Variants in PPP6R2 observed in about 807,000 individuals in gnomAD.
PPP6R2 encodes serine/threonine-protein phosphatase 6 regulatory subunit 2.
PPP6R2 carries 62 observed loss-of-function variants against 100.2 expected under a neutral mutation model. The ratio of observed to expected loss-of-function variants is 0.62; its 90% confidence interval spans 0.50 to 0.76. The LOEUF (loss-of-function observed/expected upper bound fraction) is 0.76. Ranked by LOEUF, PPP6R2 falls within the 30% of genes least tolerant of loss-of-function variation. The probability of loss-of-function intolerance (pLI) is 0.00; values close to 1 mark genes in which losing one functional copy is unlikely to be tolerated. For missense variants in PPP6R2, 1,142 were observed against 1,276.3 expected (o/e 0.89, Z 1.60); for synonymous variants, 525 against 514.7 (o/e 1.02, Z -0.27).
chr22:50,397,161 G>A (rs1292738275), intron 3 of PPP6R2, among the ~76,000 whole-genome samples: 1 of 152,158 alleles, frequency 6.6e-6, no homozygotes, highest in Non-Finnish European at 1.5e-5. Context: ...CCTGGGGGGA[G>A]ACTTCCGTAA....
chr22:50,431,180 T>G lies in PPP6R2; in HGVS notation c.1133T>G (p.Phe378Cys). 6.2e-7 allele frequency: 1 copy of G among 1,611,104 alleles called. No individual in the cohort carries two copies. Among genetic ancestry groups the G allele is most frequent in the Non-Finnish European group, 8.5e-7 (1 of 1,177,526 alleles). The change falls in exon 11 of 24, where the codon TTC (phenylalanine) becomes TGC (cysteine). Residue 378 changes from phenylalanine (F) to cysteine (C), a missense_variant. By Grantham distance (205) the Phe-to-Cys change is radical. Around this residue, in one of 2 missense-constraint regions of PPP6R2, gnomAD observed 592 missense variants for 758.9 expected, o/e 0.78. Coordinates refer to ENST00000612753, the MANE Select transcript of PPP6R2 (RefSeq NM_001242898.2). The surrounding 1 kb of genome is among the most constrained non-coding windows in gnomAD (Gnocchi z 4.8). ...LNTMDLLLDL[F>C]FKYTWNNFLH... ...TGTCCTCTGTTTACCCAGGACTTGTTCTTTAAGTACACCTGGAATAACTTT... is the reference window on the plus strand; with the variant it reads ...TGTCCTCTGTTTACCCAGGACTTGTGCTTTAAGTACACCTGGAATAACTTT...
At chr22:50,438,500 C>T in intron 18 of PPP6R2, 99 bp from the exon 19 acceptor site, 1 of 1,473,380 alleles carries the variant, frequency 6.8e-7, no homozygotes, top group East Asian at 2.3e-5. Context: ...TCGAGACGAT[C>T]TGTGCTCACC....
At chr22:50,373,462 C>T (rs950440488) in intron 2 of PPP6R2, among the ~76,000 whole-genome samples, 75 of 151,954 alleles carry the variant, frequency 4.9e-4, no homozygotes, top group African/African-American at 1.7e-3. Flanking sequence ...CCAGGATGGT[C>T]TCGATCTCCT....
At chr22:50,441,880 C>G (rs1437110309) in intron 22 of PPP6R2, among the ~76,000 whole-genome samples, 2 of 152,138 alleles carry the variant, frequency 1.3e-5, no homozygotes, top group Non-Finnish European at 1.5e-5. Context: ...ATGCCAGGGC[C>G]AGGTAAACCT....
chr22:50,378,927 G>A (rs1448712645), intron 2 of PPP6R2, among the ~76,000 whole-genome samples: 4 of 151,726 alleles, frequency 2.6e-5, no homozygotes, highest in African/African-American at 4.8e-5. Context: ...TGATGAGGCC[G>A]TGAGGGCTCC....
At chr22:50,382,415 G>A (rs759364874) in intron 2 of PPP6R2, among the ~76,000 whole-genome samples, 8 of 151,610 alleles carry the variant, frequency 5.3e-5, no homozygotes, top group Non-Finnish European at 1.2e-4. Context: ...TGACTAACAT[G>A]GTGAAACCCC....
Position 50,444,586 on chromosome 22 carries a change from G to A in PPP6R2, c.*339G>A, listed in dbSNP as rs1259988512. The A allele has an allele frequency of 6.4e-6, 2 of 313,044 alleles. No individual in the cohort carries two copies. Among genetic ancestry groups the A allele is most frequent in the Admixed American group, 4.9e-5 (1 of 20,308 alleles). 19.4% of individuals were successfully genotyped at this position (313,044 alleles called of 1,614,324 possible). On this transcript the variant is annotated 3_prime_UTR_variant, in exon 24 of 24. Transcript: ENST00000612753. ...GATGCCACCAGGACCTGATGGGCCA[G>A]GAAGGGCGTGGACATGGAGGCTGTT...
intron 8 of PPP6R2, among the ~76,000 whole-genome samples, chr22:50,419,977 C>T (rs1241359330): frequency 6.6e-6 from 1 of 152,120 alleles, no homozygotes; most frequent in Non-Finnish European, 1.5e-5. Flanking sequence ...CCAGGCGACT[C>T]TCCTCCATTG....
intron 1 of PPP6R2, among the ~76,000 whole-genome samples, chr22:50,360,870 C>G (rs959082151): frequency 6.6e-6 from 1 of 152,178 alleles, no homozygotes; most frequent in East Asian, 1.9e-4. Flanking sequence ...CTCTGCTAGA[C>G]GTCAGGTTCC....
intron 10 of PPP6R2, among the ~76,000 whole-genome samples, chr22:50,428,569 T>A (rs1227363872): frequency 1.3e-5 from 2 of 151,776 alleles, no homozygotes; most frequent in Non-Finnish European, 2.9e-5. Flanking sequence ...GAATAAAAAT[T>A]AGGCAGGTGT....
upstream of PPP6R2, among the ~76,000 whole-genome samples, chr22:50,339,572 A>AGTGTGTGTGTGGTGTGTGTGGTATGTG (rs2042345893): frequency 2.8e-5 from 1 of 35,292 alleles, no homozygotes; most frequent in Non-Finnish European, 5.6e-5. Flanking sequence ...TGTGGTATGT[A>AGTGTGTGTGTGGTGTGTGTGGTATGTG]GTGTGTGTGT....
chr22:50,400,126 C>T (rs1165840303), intron 3 of PPP6R2, among the ~76,000 whole-genome samples: 1 of 152,206 alleles, frequency 6.6e-6, no homozygotes, highest in East Asian at 1.9e-4. Flanking sequence ...ACAGCGGGCC[C>T]CCAGGAAGCA....
intron 2 of PPP6R2, among the ~76,000 whole-genome samples, chr22:50,382,009 A>G (rs2053180877): frequency 6.6e-6 from 1 of 152,198 alleles, no homozygotes; most frequent in South Asian, 2.1e-4. Flanking sequence ...GAAAAGCTGC[A>G]ACAATTTTTT....
chr22:50,339,711 G>A (rs1433476612), upstream of PPP6R2, among the ~76,000 whole-genome samples: 1 of 142,600 alleles, frequency 7.0e-6, no homozygotes, highest in Admixed American at 7.2e-5. Context: ...AGTGTGTGGT[G>A]TGTGTAGGGT....
Position 50,370,449 on chromosome 22 carries a change from A to G in PPP6R2, c.-147-1571A>G, listed in dbSNP as rs534253277. ...ATTACAGGCGCCTGCCACCACGCCC[A>G]GCTAATTTTTTGTGTTTTTAGTAGA... On this transcript the variant is annotated intron_variant, in intron 1 of 23. Transcript: ENST00000612753. 1.2e-4 allele frequency among the ~76,000 whole-genome samples: 17 copies of G among 142,666 alleles called. No homozygotes were observed. In the South Asian group the frequency reaches 1.8e-3, roughly 15 times the overall value. 93.6% of individuals were successfully genotyped at this position (142,666 alleles called of 152,430 possible). A position where few individuals can be genotyped will look rare whatever the true frequency, so the allele number is the denominator to read the frequency against.
chr22:50,332,334 C>A, the PPP6R2 span, among the ~76,000 whole-genome samples: 19 of 151,544 alleles, frequency 1.3e-4, no homozygotes, highest in South Asian at 6.3e-4. Context: ...TTCACCCCCC[C>A]ATTCTTCTGC....
intron 1 of PPP6R2, among the ~76,000 whole-genome samples, chr22:50,351,734 A>G (rs920465225): frequency 1.3e-5 from 2 of 151,530 alleles, no homozygotes; most frequent in African/African-American, 2.4e-5. Flanking sequence ...CCCGTGTTCA[A>G]GTGATTCTCC....
chr22:50,409,981 G>A (rs907474748), intron 4 of PPP6R2, among the ~76,000 whole-genome samples: 13 of 152,196 alleles, frequency 8.5e-5, no homozygotes, highest in Admixed American at 8.5e-4. Flanking sequence ...GCCTGCTTCA[G>A]CTTCCCAAAG....
chr22:50,386,222 A>G (rs1383481658), intron 2 of PPP6R2, among the ~76,000 whole-genome samples: 1 of 151,680 alleles, frequency 6.6e-6, no homozygotes. Context: ...TGCTCACTGC[A>G]ACCTCTGCCT....
Sources: gnomAD v4.1 joint callset for allele counts (sites outside exome capture counted in the v4.1 genomes callset) on GRCh38, gnomAD v4.1.1 for gene constraint, gnomAD v4.1.1 regional missense constraint, Gnocchi (gnomAD v3.1) non-coding constraint, MANE v1.5 for transcripts, NCBI Gene and HGNC (gene_info 2026-07-23, HGNC 2026-07-21) for gene names.